The following CCBE1 variants were observed in gnomAD, a reference collection of about 807,000 sequenced individuals.
CCBE1 encodes the protein collagen and calcium binding EGF domains 1, also known as collagen and calcium-binding EGF domain-containing protein 1.
A neutral mutation model predicts 50.0 loss-of-function variants in CCBE1; 37 were observed. The observed-to-expected ratio is 0.74, with a 90% CI of 0.57 to 0.97. The LOEUF is 0.97. Among genes scored for constraint, CCBE1 ranks in the 50% least tolerant of loss-of-function variants. The pLI, the probability that CCBE1 is intolerant of heterozygous loss-of-function variation, is 0.00. For synonymous variants in CCBE1, 234 were observed against 203.7 expected (o/e 1.15, Z -1.27); for missense variants, 538 against 523.8 (o/e 1.03, Z -0.26).
intron 2 of CCBE1, among the ~76,000 whole-genome samples, chr18:59,555,617 T>C (rs2052644314): frequency 6.6e-6 from 1 of 152,240 alleles, no homozygotes; most frequent in African/African-American, 2.4e-5. Context: ...AAGTTTAAAA[T>C]AAATGCTGCC....
At chr18:59,582,644 A>G (rs1468061941) in intron 2 of CCBE1, among the ~76,000 whole-genome samples, 3 of 152,062 alleles carry the variant, frequency 2.0e-5, no homozygotes, top group Non-Finnish European at 4.4e-5. Context: ...ATCAGCCCCA[A>G]TAGCTCAGGG....
intron 2 of CCBE1, among the ~76,000 whole-genome samples, chr18:59,565,202 G>A (rs1477462453): frequency 1.3e-5 from 2 of 152,222 alleles, no homozygotes; most frequent in African/African-American, 4.8e-5. Flanking sequence ...ATGTAGGTAG[G>A]TAGAGGAGGG....
chr18:59,453,150 A>C (rs1365723562), intron 6 of CCBE1, among the ~76,000 whole-genome samples: 1 of 152,234 alleles, frequency 6.6e-6, no homozygotes, highest in Non-Finnish European at 1.5e-5. Flanking sequence ...CCTAAAGATC[A>C]TCCTGGCTGG....
intron 2 of CCBE1, among the ~76,000 whole-genome samples, chr18:59,641,202 A>C (rs944284480): frequency 2.7e-5 from 4 of 150,450 alleles, no homozygotes; most frequent in Admixed American, 1.3e-4. Context: ...AAATACATGG[A>C]ATCAACTGAA....
rs768754963 is a variant in CCBE1 at position 59,461,889 on chromosome 18, C to T, written c.553+4850G>A. ...CTGGGATTACAGGCGCCTGCCACCACGCCCAGCTAATGTTTTGTATTTTTA... is the reference window on the plus strand; with the variant it reads ...CTGGGATTACAGGCGCCTGCCACCATGCCCAGCTAATGTTTTGTATTTTTA... On this transcript the variant is annotated intron_variant, in intron 5 of 10. Coordinates refer to ENST00000439986, the MANE Select transcript of CCBE1 (RefSeq NM_133459.4). 1.4e-4 allele frequency among the ~76,000 whole-genome samples: 21 copies of T among 151,856 alleles called. No homozygotes were observed. The East Asian group carries it at 2.7e-3, about 20-fold the overall frequency.
chr18:59,552,836 A>G (rs902488232), intron 2 of CCBE1, among the ~76,000 whole-genome samples: 13 of 152,194 alleles, frequency 8.5e-5, no homozygotes, highest in Non-Finnish European at 1.5e-5. Flanking sequence ...TTTGAAATGA[A>G]TGTTTCGATT....
intron 2 of CCBE1, among the ~76,000 whole-genome samples, chr18:59,589,289 C>T (rs957556341): frequency 8.5e-5 from 13 of 152,160 alleles, no homozygotes; most frequent in East Asian, 1.9e-4. Context: ...AGCTTAAACT[C>T]ACCAATTTTA....
intron 2 of CCBE1, among the ~76,000 whole-genome samples, chr18:59,649,291 A>G (rs2054096590): frequency 6.6e-6 from 1 of 152,164 alleles, no homozygotes; most frequent in South Asian, 2.1e-4. Flanking sequence ...CTGGGACTCC[A>G]TCAGTTTTGT....
At chr18:59,551,371 G>A (rs1883221136) in intron 2 of CCBE1, among the ~76,000 whole-genome samples, 1 of 152,216 alleles carries the variant, frequency 6.6e-6, no homozygotes. Context: ...TGCAGAACCG[G>A]AAGAATCTCT....
chr18:59,543,251 A>G (rs372911893), intron 2 of CCBE1, among the ~76,000 whole-genome samples: 3 of 152,340 alleles, frequency 2.0e-5, no homozygotes, highest in African/African-American at 7.2e-5. Context: ...TCCCCGCACC[A>G]TACCTGAAGA....
At chr18:59,437,110 CA>C (rs1910193576) in intron 10 of CCBE1, among the ~76,000 whole-genome samples, 1 of 152,182 alleles carries the variant, frequency 6.6e-6, no homozygotes. Context: ...AAGGTCCAAA[CA>C]AAATCTTCCT....
chr18:59,515,245 T>A (rs992600212), intron 2 of CCBE1, among the ~76,000 whole-genome samples: 9 of 152,250 alleles, frequency 5.9e-5, no homozygotes, highest in African/African-American at 1.4e-4. Flanking sequence ...GCTGGCATTG[T>A]AGCTACACAA....
chr18:59,455,039 G>A (rs957817884), intron 5 of CCBE1, 88 bp from the exon 6 acceptor site: 2 of 1,031,104 alleles, frequency 1.9e-6, no homozygotes, highest in Non-Finnish European at 3.0e-6. Flanking sequence ...CGGTCCCAGG[G>A]ACAGAGTAGC....
intron 2 of CCBE1, among the ~76,000 whole-genome samples, chr18:59,656,823 G>C (rs1230214001): frequency 6.6e-6 from 1 of 152,198 alleles, no homozygotes; most frequent in African/African-American, 2.4e-5. Flanking sequence ...TGGTTACAGA[G>C]TGTAGACAGG....
At chr18:59,493,376 G>C (rs1913200669) in intron 2 of CCBE1, among the ~76,000 whole-genome samples, 1 of 152,146 alleles carries the variant, frequency 6.6e-6, no homozygotes, top group South Asian at 2.1e-4. Context: ...CAGATGAGAG[G>C]AGGAACCTTC....
intron 2 of CCBE1, among the ~76,000 whole-genome samples, chr18:59,578,800 G>T (rs1037076537): frequency 6.6e-6 from 1 of 152,188 alleles, no homozygotes; most frequent in Non-Finnish European, 1.5e-5. Flanking sequence ...GCCCGTCAGG[G>T]CTGGGGGTGG....
At chr18:59,648,843 G>A (rs928499598) in intron 2 of CCBE1, among the ~76,000 whole-genome samples, 1 of 152,230 alleles carries the variant, frequency 6.6e-6, no homozygotes, top group African/African-American at 2.4e-5. Context: ...GCCAGGCTTT[G>A]TCCAGCGTCC....
intron 2 of CCBE1, among the ~76,000 whole-genome samples, chr18:59,547,057 G>GAGAGGGGGAGAGAGGGGGAC (rs1915719178): frequency 1.5e-5 from 1 of 64,892 alleles, no homozygotes; most frequent in Non-Finnish European, 2.8e-5. Flanking sequence ...GAGAGGGGGA[G>GAGAGGGGGAGAGAGGGGGAC]AGAGGGGGAG....
Position 59,435,204 on chromosome 18 carries a change from G to A in CCBE1, c.*704C>T, listed in dbSNP as rs1230640418. ...AATAGGATACTTACAGATAAGCATGGCATGAAACCTTAAGCACCGTATTTG... is the reference window on the plus strand; with the variant it reads ...AATAGGATACTTACAGATAAGCATGACATGAAACCTTAAGCACCGTATTTG... On this transcript the variant is annotated 3_prime_UTR_variant, in exon 11 of 11. Coordinates refer to ENST00000439986, the MANE Select transcript of CCBE1 (RefSeq NM_133459.4). 6.6e-6 allele frequency: 1 copy of A among 152,290 alleles called. No homozygotes were observed. The highest frequency in any genetic ancestry group is 2.4e-5 in the African/African-American group (1 of 41,430). 9.4% of individuals were successfully genotyped at this position (152,290 alleles called of 1,614,324 possible). A position where few individuals can be genotyped will look rare whatever the true frequency, so the allele number is the denominator to read the frequency against.
Sources: gnomAD v4.1 joint callset for allele counts (sites outside exome capture counted in the v4.1 genomes callset) on GRCh38, gnomAD v4.1.1 for gene constraint, MANE v1.5 for transcripts, NCBI Gene and HGNC (gene_info 2026-07-23, HGNC 2026-07-21) for gene names.